PREPL: variants seen among roughly 807,000 people sequenced by gnomAD.
PREPL encodes prolyl endopeptidase like, also known as prolyl endopeptidase-like.
In PREPL, 77 loss-of-function variants were observed where a neutral mutation model predicts 70.6. The observed-to-expected ratio is 1.09, with a 90% CI of 0.91 to 1.32. PREPL has a LOEUF of 1.32. Ranked by LOEUF, PREPL falls within the 40% of genes most tolerant of loss-of-function variation. The probability of loss-of-function intolerance (pLI) is 0.00; values close to 1 mark genes in which losing one functional copy is unlikely to be tolerated. For synonymous variants in PREPL, 315 were observed against 264.8 expected (o/e 1.19, Z -1.84); for missense variants, 1,002 against 778.2 (o/e 1.29, Z -3.42).
chr2:44,321,877 GAAT>G lies in PREPL; in HGVS notation c.1774_1776del (p.Ile592del), dbSNP rs777599665. On this transcript the variant is annotated inframe_deletion, in exon 13 of 14. Coordinates refer to ENST00000409411, the MANE Select transcript of PREPL (RefSeq NM_001171613.2). Reference sequence around the variant, plus strand: ...TGATTGCCTCCAGGCTGAATATCTAGAATAATATTAGGGGTCTGATAGCCTGGA... The same window carrying G: ...TGATTGCCTCCAGGCTGAATATCTAGAATATTAGGGGTCTGATAGCCTGGA... 7 of 1,613,378 alleles carry G rather than the reference GAAT, an allele frequency of 4.3e-6. No individual in the cohort carries two copies. In the East Asian group the frequency reaches 8.9e-5, roughly 21 times the overall value.
At chr2:44,334,948 T>C (rs1291637965) in intron 7 of PREPL, among the ~76,000 whole-genome samples, 1 of 152,206 alleles carries the variant, frequency 6.6e-6, no homozygotes. Flanking sequence ...ACTCACGCTA[T>C]GGTTAAAGAT....
chr2:44,340,557 T>G (rs1461453568), intron 5 of PREPL, among the ~76,000 whole-genome samples: 1 of 152,224 alleles, frequency 6.6e-6, no homozygotes, highest in Non-Finnish European at 1.5e-5. Flanking sequence ...TCAATCGTTA[T>G]TTCTTTTGTG....
intron 1 of PREPL, among the ~76,000 whole-genome samples, chr2:44,348,002 T>C (rs1450305803): frequency 1.3e-5 from 2 of 152,194 alleles, no homozygotes; most frequent in African/African-American, 4.8e-5. Flanking sequence ...AAATTAGCAA[T>C]AATGGTTGTT....
rs181446608 is a variant in PREPL at position 44,341,769 on chromosome 2, T to C, written c.485+648A>G. ...AAAAAAAAAACCATTGTTAGTACTT[T>C]GGGTGTATTTCCTTTCAATCTTTTA... On this transcript the variant is annotated intron_variant, in intron 5 of 13. Coordinates refer to ENST00000409411, the MANE Select transcript of PREPL (RefSeq NM_001171613.2). 3.9e-3 allele frequency among the ~76,000 whole-genome samples: 600 copies of C among 152,094 alleles called. 7 individuals carry two copies. Among genetic ancestry groups the C allele is most frequent in the African/African-American group, 0.014 (577 of 41,548 alleles).
intron 1 of PREPL, chr2:44,359,581 T>C (rs1475981830): frequency 1.2e-6 from 2 of 1,612,620 alleles, no homozygotes; most frequent in South Asian, 2.2e-5. Flanking sequence ...TTAGGTGATA[T>C]TTTTTCAATT....
Position 44,319,437 on chromosome 2 carries a change from T to C in PREPL, c.*1919A>G, listed in dbSNP as rs1205442658. 6.6e-6 allele frequency: 1 copy of C among 152,426 alleles called. No homozygotes were observed. Among genetic ancestry groups the C allele is most frequent in the African/African-American group, 2.4e-5 (1 of 41,448 alleles). 9.4% of individuals were successfully genotyped at this position (152,426 alleles called of 1,614,324 possible). On this transcript the variant is annotated 3_prime_UTR_variant, in exon 14 of 14. Transcript: ENST00000409411. ...AATATTAGAAACACTATCGTCAAAA[T>C]GAAAGGGCATGGCTGAGTATGGTAC...
At chr2:44,356,956 C>G (rs1321683576) in intron 1 of PREPL, among the ~76,000 whole-genome samples, 1 of 152,190 alleles carries the variant, frequency 6.6e-6, no homozygotes, top group Non-Finnish European at 1.5e-5. Flanking sequence ...AGGCGTGCGC[C>G]ACCATACCCA....
chr2:44,327,899 C>T (rs1381651612), intron 9 of PREPL, among the ~76,000 whole-genome samples: 3 of 151,794 alleles, frequency 2.0e-5, no homozygotes, highest in Non-Finnish European at 4.4e-5. Context: ...AATAAAAGGA[C>T]ATGATTTTGG....
intron 10 of PREPL, among the ~76,000 whole-genome samples, chr2:44,325,817 C>T (rs531220037): frequency 1.9e-4 from 29 of 152,182 alleles, no homozygotes; most frequent in Non-Finnish European, 3.5e-4. Flanking sequence ...CCATCTCAGT[C>T]ATTATTTTTC....
chr2:44,351,088 A>AT (rs1676377598), intron 1 of PREPL, among the ~76,000 whole-genome samples: 2 of 139,088 alleles, frequency 1.4e-5, no homozygotes, highest in African/African-American at 6.3e-5. Flanking sequence ...CACGCTGGCT[A>AT]ATTTTTTTTT....
intron 9 of PREPL, among the ~76,000 whole-genome samples, chr2:44,328,438 CAAAAAAAA>C (rs1194898905): frequency 1.8e-4 from 11 of 61,190 alleles, no homozygotes; most frequent in African/African-American, 6.4e-4. Context: ...CTGTCTCAAA[CAAAAAAAA>C]AAAAAAAAAA....
chr2:44,343,608 CATAGGAAGATGT>C, intron 4 of PREPL, 125 bp downstream of exon 4: 1 of 690,800 alleles, frequency 1.4e-6, no homozygotes, highest in Non-Finnish European at 2.5e-6. Context: ...ATAAGAGGTA[CATAGGAAGATGT>C]ATAGTCCATA....
intron 13 of PREPL, 102 bp from the exon 14 acceptor site, chr2:44,321,547 C>T (rs1024945874): frequency 2.0e-6 from 3 of 1,516,546 alleles, no homozygotes; most frequent in Non-Finnish European, 2.6e-6. Flanking sequence ...ACCGTGAAGT[C>T]AGCAATTTAT....
At chr2:44,359,604 A>G in intron 1 of PREPL, 1 of 1,611,376 alleles carries the variant, frequency 6.2e-7, no homozygotes, top group Non-Finnish European at 8.5e-7. Flanking sequence ...ATTCTATTGT[A>G]ACAATGATCA....
At chr2:44,346,982 ATTTTC>A (rs576480905) in intron 1 of PREPL, among the ~76,000 whole-genome samples, 60 of 152,138 alleles carry the variant, frequency 3.9e-4, no homozygotes, top group African/African-American at 1.4e-3. Context: ...AAGGGATATA[ATTTTC>A]TTTTCTTGTG....
chr2:44,345,852 T>C (rs993954523), intron 2 of PREPL, among the ~76,000 whole-genome samples: 2 of 152,170 alleles, frequency 1.3e-5, no homozygotes, highest in Admixed American at 6.5e-5. Context: ...AAAAAATTTT[T>C]AAATCAGTGC....
rs369872746 is a variant in PREPL, at chr2:44,321,950, T to A, written c.1754-50A>T. On this transcript the variant is annotated intron_variant, in intron 12 of 13. Transcript: ENST00000409411. ...ATTAGAAGATTGTATGGGATCTTCT[T>A]TGGAAGATCGAGACCCATTCCTCCC... The A allele has an allele frequency of 9.1e-6, 14 of 1,543,782 alleles. No individual in the cohort carries two copies. In the East Asian group the frequency reaches 9.1e-5, roughly 10 times the overall value.
chr2:44,332,114 T>G (rs373961173), intron 8 of PREPL, among the ~76,000 whole-genome samples: 1 of 151,868 alleles, frequency 6.6e-6, no homozygotes, highest in Non-Finnish European at 1.5e-5. Context: ...GCCCAGCTAA[T>G]TTTGTGTATT....
At chr2:44,355,526 G>T (rs1359445308) in intron 1 of PREPL, among the ~76,000 whole-genome samples, 7 of 152,080 alleles carry the variant, frequency 4.6e-5, no homozygotes, top group Admixed American at 3.3e-4. Flanking sequence ...TACAGACTGG[G>T]TGACAGAGTG....
Sources: gnomAD v4.1 joint callset for allele counts (sites outside exome capture counted in the v4.1 genomes callset) on GRCh38, gnomAD v4.1.1 for gene constraint, MANE v1.5 for transcripts, NCBI Gene and HGNC (gene_info 2026-07-23, HGNC 2026-07-21) for gene names.